PIERCE2: variants seen among roughly 807,000 people sequenced by gnomAD.
PIERCE2 encodes piercer of microtubule wall 2, also known as piercer of microtubule wall 2 protein.
chr15:55,408,773 CAG>C, the PIERCE2 span: 1 of 1,524,956 alleles, frequency 6.6e-7, no homozygotes, highest in African/African-American at 1.4e-5. Flanking sequence ...GCGAAAATGA[CAG>C]ACCGCAACCG....
the PIERCE2 span, chr15:55,410,825 T>TC: frequency 6.6e-6 from 1 of 152,116 alleles, no homozygotes; most frequent in South Asian, 2.1e-4. Flanking sequence ...TATAAAGCTT[T>TC]CCCCTGTGCT....
the PIERCE2 span, among the ~76,000 whole-genome samples, chr15:55,414,323 C>G: frequency 3.0e-4 from 45 of 151,480 alleles, 1 homozygote; most frequent in Middle Eastern, 0.01. Flanking sequence ...AATTCCCCTG[C>G]CTCAGCCTCC....
At chr15:55,409,560 G>A in the PIERCE2 span, among the ~76,000 whole-genome samples, 2 of 152,142 alleles carry the variant, frequency 1.3e-5, no homozygotes, top group African/African-American at 4.8e-5. Flanking sequence ...GTGGACCTGA[G>A]CAGAGACAAA....
At chr15:55,408,724 C>T in the PIERCE2 span, 13 of 1,455,272 alleles carry the variant, frequency 8.9e-6, no homozygotes, top group East Asian at 9.9e-5. Context: ...CCATCTGCTG[C>T]ATGAAAACTG....
At chr15:55,408,791 G>T in the PIERCE2 span, 2 of 1,522,308 alleles carry the variant, frequency 1.3e-6, no homozygotes, top group East Asian at 2.5e-5. Flanking sequence ...AACCGGGTGA[G>T]TTTAGGCAGA....
the PIERCE2 span, among the ~76,000 whole-genome samples, chr15:55,409,044 A>G: frequency 6.6e-6 from 1 of 152,198 alleles, no homozygotes; most frequent in Non-Finnish European, 1.5e-5. Context: ...TTGAACAAGA[A>G]AAACGTACTT....
At chr15:55,414,087 C>G in the PIERCE2 span, among the ~76,000 whole-genome samples, 1 of 151,572 alleles carries the variant, frequency 6.6e-6, no homozygotes, top group African/African-American at 2.4e-5. Flanking sequence ...TTAGTAGAGA[C>G]AGGGTTTCAC....
At chr15:55,412,721 C>T in the PIERCE2 span, among the ~76,000 whole-genome samples, 1 of 152,182 alleles carries the variant, frequency 6.6e-6, no homozygotes, top group East Asian at 1.9e-4. Context: ...GCACTATTAT[C>T]CCATTTGTGA....
At chr15:55,411,415 G>A in the PIERCE2 span, among the ~76,000 whole-genome samples, 3 of 152,224 alleles carry the variant, frequency 2.0e-5, no homozygotes, top group East Asian at 5.8e-4. Context: ...AATGAGCTGC[G>A]ACTGCGCCAC....
the PIERCE2 span, among the ~76,000 whole-genome samples, chr15:55,417,029 A>T: frequency 1.0e-5 from 1 of 99,362 alleles, no homozygotes; most frequent in African/African-American, 2.8e-5. Context: ...CACCTACTAT[A>T]TATTGTCATC....
the PIERCE2 span, among the ~76,000 whole-genome samples, chr15:55,415,886 T>C: frequency 6.6e-6 from 1 of 152,102 alleles, no homozygotes; most frequent in African/African-American, 2.4e-5. Flanking sequence ...GGGGTGGTCT[T>C]CTCCCTTAGT....
chr15:55,409,035 T>C, the PIERCE2 span, among the ~76,000 whole-genome samples: 1 of 152,182 alleles, frequency 6.6e-6, no homozygotes, highest in African/African-American at 2.4e-5. Flanking sequence ...GTGATGGTTT[T>C]GAACAAGAAA....
At chr15:55,416,105 T>TAGAG in the PIERCE2 span, among the ~76,000 whole-genome samples, 4 of 150,336 alleles carry the variant, frequency 2.7e-5, no homozygotes, top group Admixed American at 6.6e-5. Context: ...GTTATATATA[T>TAGAG]AGAGAGAGAG....
chr15:55,413,169 G>A, the PIERCE2 span, among the ~76,000 whole-genome samples: 5 of 151,902 alleles, frequency 3.3e-5, no homozygotes, highest in Non-Finnish European at 4.4e-5. Context: ...TCGGGAGGCT[G>A]AGGCAGGAGA....
chr15:55,418,308 T>C, the PIERCE2 span: 3 of 1,546,944 alleles, frequency 1.9e-6, no homozygotes, highest in Admixed American at 3.9e-5. Flanking sequence ...GGCAATCCTG[T>C]GTTTTCATGT....
At chr15:55,408,822 T>G in the PIERCE2 span, 1 of 1,484,174 alleles carries the variant, frequency 6.7e-7, no homozygotes, top group South Asian at 1.3e-5. Context: ...TTTGGGAATG[T>G]TGGTATTCGC....
At chr15:55,418,474 T>C in the PIERCE2 span, 2 of 1,527,126 alleles carry the variant, frequency 1.3e-6, no homozygotes, top group Non-Finnish European at 1.8e-6. Context: ...TTTCAAGCCA[T>C]ATCAGAGCAA....
chr15:55,409,042 G>GA, the PIERCE2 span, among the ~76,000 whole-genome samples: 2 of 152,164 alleles, frequency 1.3e-5, no homozygotes, highest in African/African-American at 4.8e-5. Context: ...TTTTGAACAA[G>GA]AAAAACGTAC....
the PIERCE2 span, chr15:55,411,102 C>T: frequency 6.6e-6 from 1 of 152,140 alleles, no homozygotes. Context: ...AATACAAGGT[C>T]ATTAACCTGT....
Sources: allele counts gnomAD v4.1 joint callset (sites outside exome capture counted in the v4.1 genomes callset), GRCh38; gene constraint gnomAD v4.1.1; transcripts MANE v1.5; gene names NCBI Gene and HGNC (gene_info 2026-07-23, HGNC 2026-07-21).